The following WARS2 variants were observed in gnomAD, a reference collection of about 807,000 sequenced individuals.
The protein encoded by WARS2 is tryptophan--tRNA ligase, mitochondrial.
A neutral mutation model predicts 36.5 loss-of-function variants in WARS2; 28 were observed. The observed-to-expected ratio is 0.77, with a 90% CI of 0.57 to 1.05. WARS2 has a LOEUF of 1.05. Among genes scored for constraint, WARS2 ranks in the 50% least tolerant of loss-of-function variants. The probability of loss-of-function intolerance (pLI) is 0.00; values close to 1 mark genes in which losing one functional copy is unlikely to be tolerated. For synonymous variants in WARS2, 174 were observed against 178.4 expected (o/e 0.98, Z 0.20); for missense variants, 435 against 456.8 (o/e 0.95, Z 0.44).
At chr1:119,104,934 G>A (rs975097043) in intron 1 of WARS2, among the ~76,000 whole-genome samples, 3 of 152,116 alleles carry the variant, frequency 2.0e-5, no homozygotes, top group Non-Finnish European at 4.4e-5. Context: ...ACTGGCAAAT[G>A]ATTCGAGGAT....
chr1:119,097,229 G>A (rs1221994123), intron 1 of WARS2, among the ~76,000 whole-genome samples: 1 of 152,144 alleles, frequency 6.6e-6, no homozygotes, highest in Non-Finnish European at 1.5e-5. Context: ...AGAAATGTGT[G>A]ATTTTTAAAA....
rs140309184 is a variant in WARS2 at position 119,104,582 on chromosome 1, C to G, written c.91-27975G>C. ...AAGAGACATGTAAAAAATAAGAAAG[C>G]AAATAACAATGATAAATACAGAATG... is the stretch of plus-strand genomic sequence containing the variant. On this transcript the variant is annotated intron_variant, in intron 1 of 5. Coordinates refer to ENST00000235521, the MANE Select transcript of WARS2 (RefSeq NM_015836.4). Among the ~76,000 whole-genome samples, 435 of 141,982 alleles carry G rather than the reference C, an allele frequency of 3.1e-3. 1 individual carries two copies. Among genetic ancestry groups the G allele is most frequent in the Middle Eastern group, 7.0e-3 (2 of 284 alleles). 93.1% of individuals were successfully genotyped at this position (141,982 alleles called of 152,430 possible).
chr1:119,099,510 G>A (rs1404310236), intron 1 of WARS2, among the ~76,000 whole-genome samples: 3 of 152,148 alleles, frequency 2.0e-5, no homozygotes, highest in Admixed American at 6.5e-5. Flanking sequence ...CTACCACTGC[G>A]AAGATTCCTA....
intron 4 of WARS2, among the ~76,000 whole-genome samples, chr1:119,039,973 A>G (rs1269063417): frequency 6.6e-6 from 1 of 152,208 alleles, no homozygotes; most frequent in East Asian, 1.9e-4. Flanking sequence ...CTTTTTCAAA[A>G]TCCAGAAATG....
At chr1:119,102,391 T>A (rs1653940529) in intron 1 of WARS2, among the ~76,000 whole-genome samples, 1 of 152,212 alleles carries the variant, frequency 6.6e-6, no homozygotes, top group Non-Finnish European at 1.5e-5. Context: ...GTACCAACTT[T>A]TCTACTTCGT....
At chr1:119,137,790 A>C (rs907834570) in intron 1 of WARS2, among the ~76,000 whole-genome samples, 2 of 152,190 alleles carry the variant, frequency 1.3e-5, no homozygotes, top group African/African-American at 4.8e-5. Context: ...ATGAGTATGG[A>C]GTGATGTGCT....
intron 4 of WARS2, among the ~76,000 whole-genome samples, chr1:119,036,098 G>A (rs530998925): frequency 6.6e-6 from 1 of 152,140 alleles, no homozygotes; most frequent in African/African-American, 2.4e-5. Flanking sequence ...CAGGTACTCC[G>A]GAGGCTGAGG....
chr1:119,033,142 C>A lies in WARS2; in HGVS notation c.852G>T (p.Gly284=). The change falls in exon 6 of 6, where the codon GGG becomes GGT. Residue 284 remains glycine, a synonymous_variant. Coordinates refer to ENST00000235521, the MANE Select transcript of WARS2 (RefSeq NM_015836.4). ...NIVAVHAAVT[G]LSVEEVVRRS... ...GGCGCACCACTTCCTCCACGGAGAG[C>A]CCCGTCACCGCGGCATGCACCGCCA... 1.9e-6 allele frequency: 3 copies of A among 1,614,110 alleles called. No homozygotes were observed. Among genetic ancestry groups the A allele is most frequent in the Non-Finnish European group, 2.5e-6 (3 of 1,180,052 alleles).
chr1:119,121,247 T>C (rs1655308171), intron 1 of WARS2, among the ~76,000 whole-genome samples: 1 of 151,976 alleles, frequency 6.6e-6, no homozygotes, highest in South Asian at 2.1e-4. Flanking sequence ...TATACACCAA[T>C]AGCAATCAAG....
Position 119,033,088 on chromosome 1 carries a change from G to A in WARS2, c.906C>T (p.Tyr302=), listed in dbSNP as rs765115143. ...RRSAGMNTAR[Y]KLAVADAVIE... is the part of the protein sequence containing the mutation. ...TCACAGCATCTGCCACGGCCAGCTT[G>A]TAGCGAGCAGTGTTCATGCCCGCGC... The change falls in exon 6 of 6, where the codon TAC becomes TAT. Residue 302 remains tyrosine (Y), a synonymous_variant. Transcript: ENST00000235521. The A allele has an allele frequency of 1.9e-6, 3 of 1,614,240 alleles. No individual in the cohort carries two copies. The highest frequency in any genetic ancestry group is 2.2e-5 in the East Asian group (1 of 44,886).
rs761321480 is a variant in WARS2 at position 119,134,319 on chromosome 1, C to CAAAAAAAAA, written c.90+6227_90+6235dup. On this transcript the variant is annotated intron_variant, in intron 1 of 5. Transcript: ENST00000235521. ...CTCTGCTTTTTAGGAGGCAAAGGGGCAAAAAAAAAAAAAAAAAAAAAACAA... is the reference window on the plus strand; with the variant it reads ...CTCTGCTTTTTAGGAGGCAAAGGGGCAAAAAAAAAAAAAAAAAAAAAAAAAAAAAAACAA... Among the ~76,000 whole-genome samples, 111 of 65,670 alleles carry CAAAAAAAAA rather than the reference C, an allele frequency of 1.7e-3. 1 individual carries two copies. Among genetic ancestry groups the CAAAAAAAAA allele is most frequent in the East Asian group, 2.6e-3 (5 of 1,898 alleles). 43.1% of individuals were successfully genotyped at this position (65,670 alleles called of 152,430 possible).
intron 1 of WARS2, among the ~76,000 whole-genome samples, chr1:119,136,991 G>A (rs878859957): frequency 8.5e-5 from 13 of 152,082 alleles, no homozygotes; most frequent in Admixed American, 7.2e-4. Context: ...ATAACTGACT[G>A]GTTCTCTTCA....
At chr1:119,102,905 CCT>C (rs1199304831) in intron 1 of WARS2, among the ~76,000 whole-genome samples, 5 of 152,212 alleles carry the variant, frequency 3.3e-5, no homozygotes, top group South Asian at 4.1e-4. Flanking sequence ...AAAACACTCC[CCT>C]CTCACTTTCA....
chr1:119,067,821 T>C (rs796496322), intron 2 of WARS2, among the ~76,000 whole-genome samples: 18 of 152,268 alleles, frequency 1.2e-4, no homozygotes, highest in African/African-American at 4.1e-4. Flanking sequence ...ATTTTTTTTT[T>C]TTCACTACTG....
At chr1:119,045,749 G>A in intron 2 of WARS2, 87 bp from the exon 3 acceptor site, 1 of 1,070,986 alleles carries the variant, frequency 9.3e-7, no homozygotes, top group Non-Finnish European at 1.4e-6. Flanking sequence ...TACCCTAAAT[G>A]TCTGAAAATA....
chr1:119,076,429 T>C lies in WARS2; in HGVS notation c.269A>G (p.Gln90Arg). 1.9e-6 allele frequency: 3 copies of C among 1,614,150 alleles called. No homozygotes were observed. The highest frequency in any genetic ancestry group is 1.7e-6 in the Non-Finnish European group (2 of 1,180,028). ...AACAGCAGTCATGTCCAGGATGCTC[T>C]GCCGAAGGACAGCTGGGTCTTGGGG... ...TVPQDPAVLR[Q>R]SILDMTAVLL... Residue 90 changes from glutamine to arginine, a missense_variant, in exon 2 of 6, where the codon CAG becomes CGG. Physicochemically the swap from Gln to Arg is conservative, Grantham distance 43 (BLOSUM62 1). Transcript: ENST00000235521.
At chr1:119,138,252 T>C (rs1479140598) in intron 1 of WARS2, among the ~76,000 whole-genome samples, 3 of 152,170 alleles carry the variant, frequency 2.0e-5, no homozygotes, top group Non-Finnish European at 1.5e-5. Flanking sequence ...CCCTTTGACT[T>C]CAAAGGAAGC....
chr1:119,076,286 C>A (rs1651720635), intron 2 of WARS2, 64 bp downstream of exon 2: 1 of 1,579,302 alleles, frequency 6.3e-7, no homozygotes, highest in Non-Finnish European at 8.6e-7. Context: ...ATGAACCATT[C>A]AACATTTTTT....
At chr1:119,084,184 T>TC (rs1047830515) in intron 1 of WARS2, among the ~76,000 whole-genome samples, 1 of 151,038 alleles carries the variant, frequency 6.6e-6, no homozygotes, top group African/African-American at 2.4e-5. Flanking sequence ...TCGGCTAATT[T>TC]TTTTTTTGGT....
Sources: allele counts gnomAD v4.1 joint callset (sites outside exome capture counted in the v4.1 genomes callset), GRCh38; gene constraint gnomAD v4.1.1; transcripts MANE v1.5; gene names NCBI Gene and HGNC (gene_info 2026-07-23, HGNC 2026-07-21).